Variants in GPR137 observed in about 807,000 individuals in gnomAD.
GPR137 encodes G protein-coupled receptor 137, also known as integral membrane protein GPR137.
Under a neutral mutation model 38.9 loss-of-function variants are expected in GPR137, and 20 were observed. The ratio of observed to expected loss-of-function variants is 0.51; its 90% CI spans 0.36 to 0.75. The LOEUF (loss-of-function observed/expected upper bound fraction) is 0.75. GPR137 is among the 30% of genes least tolerant of loss of function. GPR137 has a pLI of 0.00. For synonymous variants in GPR137, 226 were observed against 235.8 expected, an observed-to-expected ratio of 0.96 and a Z score of 0.38; for missense variants, 456 against 526.4, an observed-to-expected ratio of 0.87 and a Z score of 1.31.
At chr11:64,283,500 C>A (rs1277150256), upstream of GPR137, among the ~76,000 whole-genome samples, 1 of 152,246 alleles carries the variant, frequency 6.6e-6, no homozygotes, top group African/African-American at 2.4e-5. Context: ...CCCCACACAG[C>A]CCTGCTGTCT....
intron 2 of GPR137, among the ~76,000 whole-genome samples, chr11:64,278,484 T>A (rs1170854164): frequency 6.6e-6 from 1 of 151,934 alleles, no homozygotes; most frequent in East Asian, 1.9e-4. Context: ...AGGCACTGTT[T>A]CCAAGCACTT....
chr11:64,271,539 G>C (rs1023132976), upstream of GPR137: 4 of 1,331,476 alleles, frequency 3.0e-6, no homozygotes, highest in Non-Finnish European at 3.9e-6. Context: ...GCGTGCCTTG[G>C]GACAAGGCAG....
chr11:64,273,391 C>G (rs2032786544), upstream of GPR137, among the ~76,000 whole-genome samples: 1 of 151,812 alleles, frequency 6.6e-6, no homozygotes, highest in Non-Finnish European at 1.5e-5. Flanking sequence ...ATAATAATAA[C>G]AAAAGAAAAA....
At chr11:64,284,367 A>G, upstream of GPR137, 1 of 1,612,860 alleles carries the variant, frequency 6.2e-7, no homozygotes, top group South Asian at 1.1e-5. Context: ...GATCTGGAAC[A>G]TGCTCTGGGC....
intron 2 of GPR137, among the ~76,000 whole-genome samples, chr11:64,277,430 T>G (rs778568512): frequency 5.9e-5 from 9 of 152,162 alleles, no homozygotes; most frequent in Non-Finnish European, 1.0e-4. Flanking sequence ...AGTTGGCAAA[T>G]GTTTCCTTTT....
At chr11:64,284,554 C>G, upstream of GPR137, 1 of 1,496,842 alleles carries the variant, frequency 6.7e-7, no homozygotes. Flanking sequence ...GCTGTCGGCT[C>G]AGGACCTCAG....
At chr11:64,280,119 C>T (rs1354965030), upstream of GPR137, among the ~76,000 whole-genome samples, 3 of 151,346 alleles carry the variant, frequency 2.0e-5, no homozygotes, top group South Asian at 2.1e-4. Flanking sequence ...AGATCGAGAC[C>T]ATCCTGGCTA....
upstream of GPR137, chr11:64,285,401 G>A (rs938989348): frequency 2.0e-5 from 20 of 984,740 alleles, no homozygotes; most frequent in Non-Finnish European, 2.2e-5. Context: ...CCGCGGGCGC[G>A]CCGGGGCGAG....
In GPR137 at chr11:64,286,006, T is replaced by A; in HGVS notation, c.-519T>A. The A allele has an allele frequency of 4.1e-6, 4 of 984,664 alleles. No homozygotes were observed. The highest frequency in any genetic ancestry group is 4.8e-6 in the Non-Finnish European group (4 of 829,310). The allele number at this position is 984,664 out of a possible 1,614,324, so 61.0% of individuals were successfully genotyped here. Reference sequence around the variant, plus strand: ...GTGGGGCGGGGGCAGCTTTCGAGAATTACGAGGACAGGAGGCAGAGGCCCT... The same window carrying A: ...GTGGGGCGGGGGCAGCTTTCGAGAAATACGAGGACAGGAGGCAGAGGCCCT... On this transcript the variant is annotated 5_prime_UTR_variant, in exon 1 of 7. Transcript: ENST00000438980.
In GPR137 at chr11:64,287,768, T is replaced by C; in HGVS notation, c.455T>C (p.Leu152Pro). Residue 152 changes from leucine (L) to proline (P), a missense_variant, in exon 3 of 7, where the codon CTG becomes CCG. Coordinates refer to ENST00000438980, the MANE Select transcript of GPR137 (RefSeq NM_001170880.2). ...GTGGGGGCCTCGCTGCTCTTTCTGC[T>C]GGTGAACGTGCTGTGTGCTGTGCTC... is the stretch of plus-strand genomic sequence containing the variant. ...AFVGASLLFLLVNVLCAVLSH... is the reference protein window; with the variant it reads ...AFVGASLLFLPVNVLCAVLSH... 6.2e-7 allele frequency: 1 copy of C among 1,607,120 alleles called. No individual in the cohort carries two copies. The highest frequency in any genetic ancestry group is 8.5e-7 in the Non-Finnish European group (1 of 1,179,926).
upstream of GPR137, chr11:64,285,748 G>A: frequency 6.1e-6 from 6 of 985,366 alleles, no homozygotes; most frequent in Non-Finnish European, 6.0e-6. Flanking sequence ...TTCTCGTACG[G>A]TTTCACGCCG....
At chr11:64,278,001 A>G (rs2033183226) in intron 2 of GPR137, among the ~76,000 whole-genome samples, 1 of 152,190 alleles carries the variant, frequency 6.6e-6, no homozygotes, top group African/African-American at 2.4e-5. Context: ...TAACTTAAAA[A>G]TATAGGCCCA....
Position 64,288,128 on chromosome 11 carries a change from G to T in GPR137, c.697G>T (p.Ala233Ser). Residue 233 changes from alanine to serine, a missense_variant, in exon 4 of 7, where the codon GCC becomes TCC. Physicochemically the swap from Ala to Ser is moderately conservative, Grantham distance 99. Transcript: ENST00000438980. This position sits in a 1 kb window ranked among gnomAD's most constrained non-coding sequence, Gnocchi z 5.5. ...GAMVLLYASR[A>S]CYNLTALALA... ...CATGGTCCTGCTCTATGCCAGCCGG[G>T]CCTGCTACAACCTGACAGCACTGGC... The T allele has an allele frequency of 1.2e-6, 2 of 1,612,744 alleles. No individual in the cohort carries two copies. Among genetic ancestry groups the T allele is most frequent in the Non-Finnish European group, 8.5e-7 (1 of 1,180,002 alleles).
chr11:64,285,957 G>GGAGCGTGGACGCGGTGGGGGC lies in GPR137; in HGVS notation c.-548_-547insCGAGCGTGGACGCGGTGGGGG. Reference sequence around the variant, plus strand: ...CCGCCTCCTCCCTCCCCTTGAGGCTGGAGCGTGGACGCGGTGGGGGAGGGT... The same window carrying GGAGCGTGGACGCGGTGGGGGC: ...CCGCCTCCTCCCTCCCCTTGAGGCTGGAGCGTGGACGCGGTGGGGGCGAGCGTGGACGCGGTGGGGGAGGGT... On this transcript the variant is annotated 5_prime_UTR_variant, in exon 1 of 7. Coordinates refer to ENST00000438980, the MANE Select transcript of GPR137 (RefSeq NM_001170880.2). The GGAGCGTGGACGCGGTGGGGGC allele has an allele frequency of 1.0e-6, 1 of 973,844 alleles. No individual in the cohort carries two copies. Among genetic ancestry groups the GGAGCGTGGACGCGGTGGGGGC allele is most frequent in the South Asian group, 4.7e-5 (1 of 21,066 alleles). 60.3% of individuals were successfully genotyped at this position (973,844 alleles called of 1,614,324 possible). A position where few individuals can be genotyped will look rare whatever the true frequency, so the allele number is the denominator to read the frequency against.
At chr11:64,284,602 C>G, upstream of GPR137, 1 of 1,500,984 alleles carries the variant, frequency 6.7e-7, no homozygotes. Context: ...GGCCCCGCCC[C>G]GCCCGTGGTG....
At position 64,287,747 on chromosome 11, in the gene GPR137, G is replaced by A. The variant is rs2034269254; in HGVS notation, c.434G>A (p.Gly145Glu). ...GLLAVRGAFV[G>E]ASLLFLLVNV... Reference sequence around the variant, plus strand: ...CTCGCTGTCCGAGGGGCCTTTGTGGGGGCCTCGCTGCTCTTTCTGCTGGTG... The same window carrying A: ...CTCGCTGTCCGAGGGGCCTTTGTGGAGGCCTCGCTGCTCTTTCTGCTGGTG... Residue 145 changes from glycine (G) to glutamate (E), a missense_variant, in exon 3 of 7, where the codon GGG (glycine) becomes GAG (glutamate). Physicochemically the swap from Gly to Glu is moderately conservative, Grantham distance 98 (BLOSUM62 -2). Coordinates refer to ENST00000438980, the MANE Select transcript of GPR137 (RefSeq NM_001170880.2). The A allele has an allele frequency of 6.2e-7, 1 of 1,605,684 alleles. No homozygotes were observed. Among genetic ancestry groups the A allele is most frequent in the Non-Finnish European group, 8.5e-7 (1 of 1,179,918 alleles).
Position 64,289,049 on chromosome 11 carries a change from T to C in GPR137, c.1044T>C (p.Ser348=). The C allele has an allele frequency of 6.3e-7, 1 of 1,586,330 alleles. No individual in the cohort carries two copies. Among genetic ancestry groups the C allele is most frequent in the Admixed American group, 1.7e-5 (1 of 57,192 alleles). ...SRGESTSMSG[S]LGSGSWYGAI... is the part of the protein sequence containing the mutation. The stretch of plus-strand genomic sequence containing the variant: ...TTCTCTGCTGCAGTATGTCGGGCAG[T>C]CTAGGCTCTGGGAGCTGGTATGGTG... Residue 348 remains serine, a synonymous_variant, in exon 7 of 7, where the codon AGT becomes AGC. Coordinates refer to ENST00000438980, the MANE Select transcript of GPR137 (RefSeq NM_001170880.2).
intron 2 of GPR137, among the ~76,000 whole-genome samples, chr11:64,278,751 T>C (rs2033232780): frequency 6.6e-6 from 1 of 152,188 alleles, no homozygotes; most frequent in African/African-American, 2.4e-5. Flanking sequence ...ACAAGGTGGC[T>C]GCAGTCCCTG....
chr11:64,284,651 C>T, upstream of GPR137: 2 of 1,533,674 alleles, frequency 1.3e-6, no homozygotes, highest in Non-Finnish European at 1.7e-6. Flanking sequence ...ATCTCGAGGC[C>T]CCTGACCCGG....
Sources: gnomAD v4.1 joint callset for allele counts (sites outside exome capture counted in the v4.1 genomes callset) on GRCh38, gnomAD v4.1.1 for gene constraint, Gnocchi (gnomAD v3.1) non-coding constraint, MANE v1.5 for transcripts, NCBI Gene and HGNC (gene_info 2026-07-23, HGNC 2026-07-21) for gene names.